OTOGL: variants seen among roughly 807,000 people sequenced by gnomAD.
OTOGL encodes the protein otogelin-like protein.
A neutral mutation model predicts 318.5 loss-of-function variants in OTOGL; 285 were observed. The observed-to-expected ratio is 0.89, with a 90% CI of 0.81 to 0.99. The LOEUF (loss-of-function observed/expected upper bound fraction) is 0.99. Ranked by LOEUF, OTOGL falls within the 50% of genes least tolerant of loss-of-function variation. OTOGL has a pLI of 0.00. For missense variants in OTOGL, 2,899 were observed against 2,845.6 expected (o/e 1.02, Z -0.43); for synonymous variants, 987 against 936.5 (o/e 1.05, Z -0.99).
intron 1 of OTOGL, among the ~76,000 whole-genome samples, chr12:80,202,449 T>A (rs1243785294): frequency 1.3e-5 from 2 of 152,158 alleles, no homozygotes; most frequent in South Asian, 2.1e-4. Context: ...TTTTTTGTAT[T>A]TTTAGTAGAG....
intron 1 of OTOGL, among the ~76,000 whole-genome samples, chr12:80,138,672 A>C (rs1359369186): frequency 6.6e-6 from 1 of 152,206 alleles, no homozygotes; most frequent in Non-Finnish European, 1.5e-5. Context: ...GAAGCAAAAA[A>C]GGCCAATGTC....
At chr12:80,235,779 A>G (rs1227750101) in intron 9 of OTOGL, among the ~76,000 whole-genome samples, 1 of 152,222 alleles carries the variant, frequency 6.6e-6, no homozygotes, top group African/African-American at 2.4e-5. Flanking sequence ...CGGAAAGTAT[A>G]TGGGAAAGAC....
At chr12:80,240,421 G>C (rs986866622) in intron 11 of OTOGL, among the ~76,000 whole-genome samples, 1 of 151,882 alleles carries the variant, frequency 6.6e-6, no homozygotes, top group Admixed American at 6.6e-5. Context: ...AAACACATAA[G>C]ATACCAAACA....
At chr12:80,358,100 T>C in intron 49 of OTOGL, 148 bp from the exon 50 acceptor site, 1 of 634,620 alleles carries the variant, frequency 1.6e-6, no homozygotes, top group Non-Finnish European at 2.8e-6. Context: ...ATTATTGTTT[T>C]TATGGCCAAA....
At chr12:80,137,400 A>G (rs1410980511) in intron 1 of OTOGL, among the ~76,000 whole-genome samples, 1 of 152,146 alleles carries the variant, frequency 6.6e-6, no homozygotes, top group Non-Finnish European at 1.5e-5. Context: ...GGTGTTTCAA[A>G]AGGATCACTT....
intron 57 of OTOGL, 41 bp from the exon 58 acceptor site, chr12:80,377,082 C>T (rs369208120): frequency 1.4e-5 from 19 of 1,381,044 alleles, no homozygotes; most frequent in East Asian, 7.1e-5. Flanking sequence ...AACAATTTAA[C>T]GTAGGCCTTT....
rs550207103 is a variant in OTOGL at position 80,279,183 on chromosome 12, C to T, written c.2928+17C>T. 1 of 1,571,790 alleles carries T rather than the reference C, an allele frequency of 6.4e-7. No individual in the cohort carries two copies. The highest frequency in any genetic ancestry group is 2.2e-5 in the East Asian group (1 of 44,492). On this transcript the variant is annotated intron_variant, in intron 26 of 58. Transcript: ENST00000547103. ...TTGATAAAGGTAGGTCACAGTTACA[C>T]ATTTTTATTTGCATTCGTGTAAAGA...
intron 43 of OTOGL, among the ~76,000 whole-genome samples, chr12:80,341,513 ATATT>A (rs1888765330): frequency 6.6e-6 from 1 of 152,178 alleles, no homozygotes; most frequent in African/African-American, 2.4e-5. Flanking sequence ...TGAAAGAAAA[ATATT>A]TAATATTTTC....
intron 18 of OTOGL, among the ~76,000 whole-genome samples, chr12:80,261,170 T>C (rs996104713): frequency 2.6e-5 from 4 of 152,140 alleles, no homozygotes; most frequent in African/African-American, 9.7e-5. Flanking sequence ...CTCTTCTACT[T>C]AGCCATATTG....
rs1181713039 is a variant in OTOGL at position 80,378,024 on chromosome 12, A to G, written c.7038A>G (p.Ile2346Met). Residue 2346 changes from isoleucine (I) to methionine (M), a missense_variant, in exon 59 of 59, where the codon ATA (isoleucine) becomes ATG (methionine). Physicochemically the swap from Ile to Met is conservative, Grantham distance 10 (BLOSUM62 1). Around this residue, in one of 3 missense-constraint regions of OTOGL, gnomAD observed 289 missense variants for 304.6 expected, o/e 0.95. Coordinates refer to ENST00000547103, the MANE Select transcript of OTOGL (RefSeq NM_001378609.3). ...TEIMYTLQEP[I>M]DCTCQWN ...TTATGTACACTCTCCAGGAACCCATAGACTGTACGTGCCAGTGGAATTAAA... is the reference window on the plus strand; with the variant it reads ...TTATGTACACTCTCCAGGAACCCATGGACTGTACGTGCCAGTGGAATTAAA... 7 of 1,586,304 alleles carry G rather than the reference A, an allele frequency of 4.4e-6. No homozygotes were observed. Among genetic ancestry groups the G allele is most frequent in the Middle Eastern group, 1.7e-4 (1 of 6,054 alleles).
In OTOGL at chr12:80,219,806, C is replaced by A; in HGVS notation, c.236-8C>A. 1 of 1,506,928 alleles carries A rather than the reference C, an allele frequency of 6.6e-7. No homozygotes were observed. Among genetic ancestry groups the A allele is most frequent in the Non-Finnish European group, 9.0e-7 (1 of 1,115,234 alleles). The allele number at this position is 1,506,928 out of a possible 1,614,324, so 93.3% of individuals were successfully genotyped here. On this transcript the variant is annotated splice_polypyrimidine_tract_variant and splice_region_variant and intron_variant, in intron 5 of 58. Coordinates refer to ENST00000547103, the MANE Select transcript of OTOGL (RefSeq NM_001378609.3). ...AGAAGATAACTTTTTTTTTTTTTTC[C>A]CCCTCAGGTTCTTGTCCTTATGAAT...
At chr12:80,223,188 C>T (rs1032919864) in intron 7 of OTOGL, among the ~76,000 whole-genome samples, 4 of 151,914 alleles carry the variant, frequency 2.6e-5, no homozygotes, top group African/African-American at 9.7e-5. Context: ...TCCAATTCCA[C>T]CCAGGTTGCT....
In OTOGL at chr12:80,368,202, CA is replaced by C; in HGVS notation, c.6511-2del. 1 of 1,575,382 alleles carries C rather than the reference CA, an allele frequency of 6.3e-7. No individual in the cohort carries two copies. The highest frequency in any genetic ancestry group is 8.7e-7 in the Non-Finnish European group (1 of 1,152,448). On this transcript the variant is annotated splice_acceptor_variant, in intron 54 of 58. Coordinates refer to ENST00000547103, the MANE Select transcript of OTOGL (RefSeq NM_001378609.3). LOFTEE classifies it high-confidence loss of function. The stretch of plus-strand genomic sequence containing the variant: ...GTCGCTAATCTAATATCATTATATG[CA>C]GCACCAGGTATATACTCCATCCCCA...
chr12:80,119,698 C>T (rs1870375229), intron 1 of OTOGL, among the ~76,000 whole-genome samples: 1 of 152,140 alleles, frequency 6.6e-6, no homozygotes, highest in Non-Finnish European at 1.5e-5. Flanking sequence ...CACACTTACC[C>T]AGTGAGTTTC....
chr12:80,320,093 A>G (rs555756973), intron 33 of OTOGL, among the ~76,000 whole-genome samples: 64 of 152,214 alleles, frequency 4.2e-4, no homozygotes, highest in African/African-American at 1.4e-3. Flanking sequence ...TAATCATTCA[A>G]TTTCTTGTAT....
chr12:80,266,597 C>G lies in OTOGL; in HGVS notation c.2371C>G (p.Leu791Val). 1.2e-6 allele frequency: 2 copies of G among 1,613,382 alleles called. No individual in the cohort carries two copies. Among genetic ancestry groups the G allele is most frequent in the Non-Finnish European group, 1.7e-6 (2 of 1,179,632 alleles). Reference protein sequence around the residue: ...CPEGKFYEDTLNFCVPIFHCR... With the variant: ...CPEGKFYEDTVNFCVPIFHCR... Reference sequence around the variant, plus strand: ...GGAAGGCAAATTCTATGAAGACACTCTTAACTTTTGTGTACCCATGTAAGT... The same window carrying G: ...GGAAGGCAAATTCTATGAAGACACTGTTAACTTTTGTGTACCCATGTAAGT... The change falls in exon 21 of 59, where the codon CTT (leucine) becomes GTT (valine). Residue 791 changes from leucine (L) to valine (V), a missense_variant. Physicochemically the swap from Leu to Val is conservative, Grantham distance 32. Coordinates refer to ENST00000547103, the MANE Select transcript of OTOGL (RefSeq NM_001378609.3).
rs191597255 is a variant in OTOGL at position 80,296,571 on chromosome 12, T to A, written c.2929-256T>A. Among the ~76,000 whole-genome samples, 1,019 of 152,280 alleles carry A rather than the reference T, an allele frequency of 6.7e-3. 38 individuals carry two copies. Among genetic ancestry groups the A allele is most frequent in the Admixed American group, 0.063 (966 of 15,288 alleles). On this transcript the variant is annotated intron_variant, in intron 26 of 58. Transcript: ENST00000547103. The stretch of plus-strand genomic sequence containing the variant: ...ATGATAATGGTTGGTACATTTGAGC[T>A]ATAGAAATAAAATGGTAAACTTGGC...
chr12:80,339,321 T>C, intron 43 of OTOGL, 57 bp downstream of exon 43: 6 of 1,310,514 alleles, frequency 4.6e-6, no homozygotes, highest in Non-Finnish European at 6.2e-6. Flanking sequence ...TTTTTTTTTT[T>C]TTCTATTCAC....
Position 80,367,569 on chromosome 12 carries a change from G to A in OTOGL, c.6340G>A (p.Asp2114Asn), listed in dbSNP as rs1890620260. 1.3e-6 allele frequency: 2 copies of A among 1,521,972 alleles called. No homozygotes were observed. The allele number at this position is 1,521,972 out of a possible 1,614,324, so 94.3% of individuals were successfully genotyped here. A position where few individuals can be genotyped will look rare whatever the true frequency, so the allele number is the denominator to read the frequency against. ...ATGTTTTCTGTTCTTAGAAAAGGAT[G>A]ATGTGTGTGTATTTCAAGAAGTATC... ...GCIQYLCEKD[D>N]VCVFQEVSVL... Residue 2114 changes from aspartate to asparagine, a missense_variant, in exon 54 of 59, where the codon GAT becomes AAT. By Grantham distance (23) the Asp-to-Asn change is conservative. Around this residue, in one of 3 missense-constraint regions of OTOGL, gnomAD observed 289 missense variants for 304.6 expected, o/e 0.95. Transcript: ENST00000547103.
Sources: allele counts gnomAD v4.1 joint callset (sites outside exome capture counted in the v4.1 genomes callset), GRCh38; gene constraint gnomAD v4.1.1; regional missense constraint gnomAD v4.1.1; transcripts MANE v1.5; gene names NCBI Gene and HGNC (gene_info 2026-07-23, HGNC 2026-07-21).